SSX2IP: variants seen among roughly 807,000 people sequenced by gnomAD.
The protein encoded by SSX2IP is SSX family member 2 interacting protein, also known as afadin- and alpha-actinin-binding protein.
In SSX2IP, 55 loss-of-function variants were observed where a neutral mutation model predicts 84.9. The ratio of observed to expected loss-of-function variants is 0.65; its 90% CI spans 0.52 to 0.81. The LOEUF is 0.81. SSX2IP is among the 30% of genes least tolerant of loss of function. The probability of loss-of-function intolerance (pLI) is 0.00; values close to 1 mark genes in which losing one functional copy is unlikely to be tolerated. For missense variants in SSX2IP, 664 were observed against 705.2 expected, an observed-to-expected ratio of 0.94 and a Z score of 0.66; for synonymous variants, 239 against 234.7, an observed-to-expected ratio of 1.02 and a Z score of -0.17.
chr1:84,655,041 G>T (rs534267913), intron 11 of SSX2IP, among the ~76,000 whole-genome samples: 1 of 152,088 alleles, frequency 6.6e-6, no homozygotes, highest in African/African-American at 2.4e-5. Flanking sequence ...CGAACAAGAG[G>T]AACAATATTA....
chr1:84,685,513 T>C (rs929582469), intron 1 of SSX2IP, among the ~76,000 whole-genome samples: 11 of 152,240 alleles, frequency 7.2e-5, no homozygotes, highest in Admixed American at 4.6e-4. Flanking sequence ...GGAGTAAAGA[T>C]AGCACTGGTT....
intron 13 of SSX2IP, among the ~76,000 whole-genome samples, chr1:84,649,183 T>C (rs1338694161): frequency 6.6e-6 from 1 of 152,134 alleles, no homozygotes; most frequent in African/African-American, 2.4e-5. Flanking sequence ...ATATGAACAA[T>C]ATTGATCAGA....
chr1:84,665,427 A>C (rs2102370053), intron 5 of SSX2IP, among the ~76,000 whole-genome samples: 1 of 152,324 alleles, frequency 6.6e-6, no homozygotes, highest in African/African-American at 2.4e-5. Context: ...CTTTAATTGT[A>C]GTTAAAACAA....
intron 3 of SSX2IP, chr1:84,670,441 C>A: frequency 3.0e-6 from 1 of 336,936 alleles, no homozygotes; most frequent in South Asian, 5.7e-5. Context: ...GCCCCTGGGA[C>A]AATGAGGAGG....
In SSX2IP at chr1:84,669,724, C is replaced by T. The variant is rs201697183; in HGVS notation, c.383G>A (p.Gly128Glu). The T allele has an allele frequency of 1.0e-4, 162 of 1,613,636 alleles. 3 individuals carry two copies. The Admixed American group carries it at 2.6e-3, about 26-fold the overall frequency. ...GCTCTGTAGATGGTCCATATCACTTCCCAGCTTCAAATTCTGTGTCTCCAC... is the reference window on the plus strand; with the variant it reads ...GCTCTGTAGATGGTCCATATCACTTTCCAGCTTCAAATTCTGTGTCTCCAC... Reference protein sequence around the residue: ...ENVETQNLKLGSDMDHLQSCY... With the variant: ...ENVETQNLKLESDMDHLQSCY... The change falls in exon 4 of 14, where the codon GGA (glycine) becomes GAA (glutamate). Residue 128 changes from glycine to glutamate, a missense_variant. Gly to Glu is a moderately conservative substitution (Grantham distance 98). Coordinates refer to ENST00000342203, the MANE Select transcript of SSX2IP (RefSeq NM_001166293.2).
rs756342589 is a variant in SSX2IP at position 84,650,295 on chromosome 1, T to C, written c.1670+67A>G. On this transcript the variant is annotated intron_variant, in intron 13 of 13. Coordinates refer to ENST00000342203, the MANE Select transcript of SSX2IP (RefSeq NM_001166293.2). ...TTGCTAATACTACAGACATGCCACCTTTCCCTTAGCAGTGCAACTTTAGCA... is the reference window on the plus strand; with the variant it reads ...TTGCTAATACTACAGACATGCCACCCTTCCCTTAGCAGTGCAACTTTAGCA... 20 of 1,508,410 alleles carry C rather than the reference T, an allele frequency of 1.3e-5. No homozygotes were observed. The East Asian group carries it at 2.3e-4, about 17-fold the overall frequency. The allele number at this position is 1,508,410 out of a possible 1,614,324, so 93.4% of individuals were successfully genotyped here. A position where few individuals can be genotyped will look rare whatever the true frequency, so the allele number is the denominator to read the frequency against.
Position 84,671,183 on chromosome 1 carries a change from A to G in SSX2IP, c.37T>C (p.Ser13Pro), listed in dbSNP as rs1223114301. The G allele has an allele frequency of 1.2e-6, 2 of 1,610,740 alleles. No individual in the cohort carries two copies. Among genetic ancestry groups the G allele is most frequent in the Non-Finnish European group, 1.7e-6 (2 of 1,178,422 alleles). ...DWMTVTDPGL[S>P]SESKTISQYT... ...ATTATTTAGACTTAATTACCTGAAG[A>G]CAGACCTGGATCTGTAACAGTCATC... Residue 13 changes from serine (S) to proline (P), a missense_variant, in exon 2 of 14, where the codon TCT becomes CCT. Physicochemically the swap from Ser to Pro is moderately conservative, Grantham distance 74. Coordinates refer to ENST00000342203, the MANE Select transcript of SSX2IP (RefSeq NM_001166293.2).
intron 6 of SSX2IP, 41 bp downstream of exon 6, chr1:84,664,376 A>G (rs1570634459): frequency 6.6e-7 from 1 of 1,525,354 alleles, no homozygotes; most frequent in East Asian, 2.4e-5. Context: ...GCATAGTATT[A>G]GCTTATTTAT....
At position 84,662,204 on chromosome 1, in the gene SSX2IP, T is replaced by G; in HGVS notation, c.921A>C (p.Thr307=). The change falls in exon 8 of 14, where the codon ACA becomes ACC. Residue 307 remains threonine, a synonymous_variant. Coordinates refer to ENST00000342203, the MANE Select transcript of SSX2IP (RefSeq NM_001166293.2). ...KKPRERVDDS[T]GTVISDVEED... Reference sequence around the variant, plus strand: ...AGAGGAAAGAGCCACTTACAGTTCCTGTACTATCATCTACTCTTTCTCTAG... The same window carrying G: ...AGAGGAAAGAGCCACTTACAGTTCCGGTACTATCATCTACTCTTTCTCTAG... 6.3e-7 allele frequency: 1 copy of G among 1,578,474 alleles called. No individual in the cohort carries two copies. Among genetic ancestry groups the G allele is most frequent in the Non-Finnish European group, 8.6e-7 (1 of 1,166,766 alleles).
At chr1:84,662,100 A>AT (rs1652076813) in intron 8 of SSX2IP, 98 bp downstream of exon 8, 4 of 773,658 alleles carry the variant, frequency 5.2e-6, no homozygotes, top group Non-Finnish European at 8.3e-6. Context: ...GTCCTATTCA[A>AT]AATACCAATA....
At chr1:84,653,142 A>C (rs1042632244) in intron 11 of SSX2IP, among the ~76,000 whole-genome samples, 1 of 152,164 alleles carries the variant, frequency 6.6e-6, no homozygotes, top group African/African-American at 2.4e-5. Context: ...CACTGTCTTC[A>C]TATCAATTTT....
At chr1:84,687,651 A>C (rs982671492) in intron 1 of SSX2IP, among the ~76,000 whole-genome samples, 5 of 152,206 alleles carry the variant, frequency 3.3e-5, no homozygotes, top group African/African-American at 1.2e-4. Flanking sequence ...TGTCTTTCAG[A>C]TATTATTTGC....
At chr1:84,669,544 A>G in intron 4 of SSX2IP, 137 bp downstream of exon 4, 1 of 674,052 alleles carries the variant, frequency 1.5e-6, no homozygotes, top group Non-Finnish European at 2.5e-6. Flanking sequence ...GTAAATTATA[A>G]GTTCACTTTT....
Position 84,662,521 on chromosome 1 carries a change from A to C in SSX2IP, c.683T>G (p.Ile228Ser). ...ATCAGCTCTCCCGACATAATTCAAA[A>C]TGTCCATAGCTACAAACATGAACAC... ...NKKDKKIAMD[I>S]LNYVGRADGK... The change falls in exon 7 of 14, where the codon ATT (isoleucine) becomes AGT (serine). Residue 228 changes from isoleucine to serine, a missense_variant. Physicochemically the swap from Ile to Ser is moderately radical, Grantham distance 142. Coordinates refer to ENST00000342203, the MANE Select transcript of SSX2IP (RefSeq NM_001166293.2). The C allele has an allele frequency of 6.2e-7, 1 of 1,613,952 alleles. No individual in the cohort carries two copies. Among genetic ancestry groups the C allele is most frequent in the Non-Finnish European group, 8.5e-7 (1 of 1,179,900 alleles).
At chr1:84,667,439 G>C (rs955574632) in intron 4 of SSX2IP, among the ~76,000 whole-genome samples, 10 of 152,082 alleles carry the variant, frequency 6.6e-5, no homozygotes, top group African/African-American at 2.4e-4. Flanking sequence ...CTCAGCAAAG[G>C]GTCGCTAACA....
At chr1:84,653,357 G>A (rs1294141802) in intron 11 of SSX2IP, among the ~76,000 whole-genome samples, 1 of 152,114 alleles carries the variant, frequency 6.6e-6, no homozygotes, top group African/African-American at 2.4e-5. Context: ...TAAACCACAA[G>A]AGGGCATAGG....
At chr1:84,681,681 G>C (rs1027654829) in intron 1 of SSX2IP, among the ~76,000 whole-genome samples, 1 of 152,216 alleles carries the variant, frequency 6.6e-6, no homozygotes, top group African/African-American at 2.4e-5. Flanking sequence ...ATGTGTGAAA[G>C]TACTCTTAGC....
chr1:84,688,755 TG>T (rs1478455104), intron 1 of SSX2IP, among the ~76,000 whole-genome samples: 1 of 151,362 alleles, frequency 6.6e-6, no homozygotes, highest in African/African-American at 2.4e-5. Flanking sequence ...CAATGTGTTA[TG>T]AGATCTCCAC....
chr1:84,666,326 AGT>A (rs1652772818), intron 4 of SSX2IP, 94 bp from the exon 5 acceptor site: 1 of 845,890 alleles, frequency 1.2e-6, no homozygotes. Context: ...TATACATCCT[AGT>A]GTTTATTAGT....
Sources: gnomAD v4.1 joint callset for allele counts (sites outside exome capture counted in the v4.1 genomes callset) on GRCh38, gnomAD v4.1.1 for gene constraint, MANE v1.5 for transcripts, NCBI Gene and HGNC (gene_info 2026-07-23, HGNC 2026-07-21) for gene names.